BMF: variants seen among roughly 807,000 people sequenced by gnomAD.
BMF encodes the protein bcl-2-modifying factor.
BMF carries 10 observed loss-of-function variants against 22.0 expected under a neutral mutation model. The ratio of observed to expected loss-of-function variants is 0.45; its 90% CI spans 0.28 to 0.77. The LOEUF is 0.77. Among genes scored for constraint, BMF ranks in the 30% least tolerant of loss-of-function variants. BMF has a pLI of 0.13. For synonymous variants in BMF, 87 were observed against 88.1 expected, an observed-to-expected ratio of 0.99 and a Z score of 0.07; for missense variants, 206 against 226.8, an observed-to-expected ratio of 0.91 and a Z score of 0.59.
At position 40,091,581 on chromosome 15, in the gene BMF, GCC is replaced by G; in HGVS notation, c.*204_*205del. Reference sequence around the variant, plus strand: ...TCTCCTTCAACAGTGTTTGACAAAGGCCCCCATTCCAGGTCAAGGGCCTGACA... The same window carrying G: ...TCTCCTTCAACAGTGTTTGACAAAGGCCCATTCCAGGTCAAGGGCCTGACA... On this transcript the variant is annotated 3_prime_UTR_variant, in exon 5 of 5. Coordinates refer to ENST00000354670, the MANE Select transcript of BMF (RefSeq NM_001003940.2). 1 of 528,052 alleles carries G rather than the reference GCC, an allele frequency of 1.9e-6. No homozygotes were observed. Among genetic ancestry groups the G allele is most frequent in the Non-Finnish European group, 3.4e-6 (1 of 294,906 alleles). 32.7% of individuals were successfully genotyped at this position (528,052 alleles called of 1,614,324 possible). A position where few individuals can be genotyped will look rare whatever the true frequency, so the allele number is the denominator to read the frequency against.
At chr15:40,097,280 C>A (rs1368259697) in intron 4 of BMF, among the ~76,000 whole-genome samples, 3 of 152,018 alleles carry the variant, frequency 2.0e-5, no homozygotes, top group Admixed American at 1.3e-4. Flanking sequence ...CCCAACTGAG[C>A]TACCAAGCAC....
At chr15:40,093,043 T>A (rs1252766688) in intron 4 of BMF, among the ~76,000 whole-genome samples, 1 of 152,190 alleles carries the variant, frequency 6.6e-6, no homozygotes, top group African/African-American at 2.4e-5. Flanking sequence ...ACCAGGCAAC[T>A]ACTCCTGGTC....
intron 3 of BMF, among the ~76,000 whole-genome samples, chr15:40,105,227 A>G (rs549270433): frequency 4.6e-5 from 7 of 152,336 alleles, no homozygotes; most frequent in African/African-American, 1.7e-4. Flanking sequence ...AGAGGAGGGC[A>G]TATTTCTCAT....
Position 40,106,272 on chromosome 15 carries a change from T to A in BMF, c.-5-181A>T. On this transcript the variant is annotated intron_variant, in intron 2 of 4. Coordinates refer to ENST00000354670, the MANE Select transcript of BMF (RefSeq NM_001003940.2). The surrounding 1 kb of genome is among the most constrained non-coding windows in gnomAD (Gnocchi z 4.1). ...AAGGGTGACATTCACTCCCCAAATG[T>A]GGACTGCCTGAATGTTCAGGGGCTC... 1.5e-6 allele frequency: 1 copy of A among 662,526 alleles called. No homozygotes were observed. Among genetic ancestry groups the A allele is most frequent in the Non-Finnish European group, 2.4e-6 (1 of 419,538 alleles). The allele number at this position is 662,526 out of a possible 1,614,324, so 41.0% of individuals were successfully genotyped here.
Position 40,106,202 on chromosome 15 carries a change from G to T in BMF, c.-5-111C>A. 1 of 1,244,694 alleles carries T rather than the reference G, an allele frequency of 8.0e-7. No homozygotes were observed. The highest frequency in any genetic ancestry group is 1.1e-6 in the Non-Finnish European group (1 of 920,758). 77.1% of individuals were successfully genotyped at this position (1,244,694 alleles called of 1,614,324 possible). On this transcript the variant is annotated intron_variant, in intron 2 of 4. Coordinates refer to ENST00000354670, the MANE Select transcript of BMF (RefSeq NM_001003940.2). The surrounding 1 kb of genome is among the most constrained non-coding windows in gnomAD (Gnocchi z 4.1). ...CTCCCCCTTCTTATTTGAGCTGGCC[G>T]GACCACATACTGATGACATACAACC... is the stretch of plus-strand genomic sequence containing the variant.
Position 40,106,177 on chromosome 15 carries a change from C to A in BMF, c.-5-86G>T. The A allele has an allele frequency of 2.8e-6, 4 of 1,427,586 alleles. No homozygotes were observed. The South Asian group carries it at 4.2e-5, about 15-fold the overall frequency. The allele number at this position is 1,427,586 out of a possible 1,614,324, so 88.4% of individuals were successfully genotyped here. On this transcript the variant is annotated intron_variant, in intron 2 of 4. Transcript: ENST00000354670. The surrounding 1 kb of genome is among the most constrained non-coding windows in gnomAD (Gnocchi z 4.1). ...CTCCCCTTCCCTTCTTCCTACCATA[C>A]TCCCCCTTCTTATTTGAGCTGGCCG...
chr15:40,098,750 C>T (rs796786302), intron 4 of BMF, among the ~76,000 whole-genome samples: 1 of 152,116 alleles, frequency 6.6e-6, no homozygotes, highest in African/African-American at 2.4e-5. Context: ...TCCCCTCCTC[C>T]CATCACCCAC....
Position 40,099,836 on chromosome 15 carries a change from A to G in BMF, c.453+4344T>C, listed in dbSNP as rs566703911. On this transcript the variant is annotated intron_variant, in intron 4 of 4. Transcript: ENST00000354670. Reference sequence around the variant, plus strand: ...GAGATTACATGATTTGCCCACGAACACATAACTTATAAGTGGCAGAGCTGG... The same window carrying G: ...GAGATTACATGATTTGCCCACGAACGCATAACTTATAAGTGGCAGAGCTGG... Among the ~76,000 whole-genome samples, 5 of 151,764 alleles carry G rather than the reference A, an allele frequency of 3.3e-5. No homozygotes were observed. In the South Asian group the frequency reaches 1.0e-3, roughly 32 times the overall value.
intron 4 of BMF, among the ~76,000 whole-genome samples, chr15:40,096,721 C>A (rs1156544822): frequency 1.3e-5 from 2 of 152,182 alleles, no homozygotes; most frequent in Non-Finnish European, 2.9e-5. Flanking sequence ...AATAGCATTA[C>A]CTTTTTCAAA....
At chr15:40,105,059 C>T (rs1236390735) in intron 3 of BMF, among the ~76,000 whole-genome samples, 1 of 152,196 alleles carries the variant, frequency 6.6e-6, no homozygotes, top group African/African-American at 2.4e-5. Flanking sequence ...ACTGCTTTGC[C>T]AGAACTGCCC....
At chr15:40,103,651 T>G (rs1055611151) in intron 4 of BMF, among the ~76,000 whole-genome samples, 1 of 152,192 alleles carries the variant, frequency 6.6e-6, no homozygotes, top group African/African-American at 2.4e-5. Flanking sequence ...TCCCAGACCC[T>G]GGTTCCCAGA....
chr15:40,092,430 T>G (rs1217144910), intron 4 of BMF, among the ~76,000 whole-genome samples: 3 of 151,246 alleles, frequency 2.0e-5, no homozygotes, highest in Non-Finnish European at 4.4e-5. Context: ...TTTCATCCAG[T>G]GCAAACACGC....
At chr15:40,098,747 C>T (rs7181563) in intron 4 of BMF, among the ~76,000 whole-genome samples, 5,430 of 152,150 alleles carry the variant, frequency 0.036, 322 homozygotes, top group African/African-American at 0.12. Flanking sequence ...TAGTCCCCTC[C>T]TCCCATCACC....
rs1193261466 is a variant in BMF at position 40,091,071 on chromosome 15, G to C, written c.*716C>G. 2.0e-5 allele frequency: 3 copies of C among 152,682 alleles called. No individual in the cohort carries two copies. Among genetic ancestry groups the C allele is most frequent in the Non-Finnish European group, 4.4e-5 (3 of 68,102 alleles). 9.5% of individuals were successfully genotyped at this position (152,682 alleles called of 1,614,324 possible). On this transcript the variant is annotated 3_prime_UTR_variant, in exon 5 of 5. Coordinates refer to ENST00000354670, the MANE Select transcript of BMF (RefSeq NM_001003940.2). ...GGACCAATCCTGGGGCCTCCAAGTG[G>C]GACCAAGTCAGTTTTGAGGCCTAGC...
Position 40,105,969 on chromosome 15 carries a change from G to A in BMF, c.118C>T (p.Leu40=). The A allele has an allele frequency of 6.2e-7, 1 of 1,614,128 alleles. No individual in the cohort carries two copies. ...LSADLFAQSL[L]DCPLSRLQLF... ...TGAAGTCGGCTGAGGGGGCAGTCCA[G>A]TAGGCTCTGGGCAAACAGGTCAGCA... Residue 40 remains leucine (L), a synonymous_variant, in exon 3 of 5, where the codon CTG becomes TTG. Coordinates refer to ENST00000354670, the MANE Select transcript of BMF (RefSeq NM_001003940.2).
In BMF at chr15:40,097,908, C is replaced by G. The variant is rs182893359; in HGVS notation, c.454-6020G>C. On this transcript the variant is annotated intron_variant, in intron 4 of 4. Coordinates refer to ENST00000354670, the MANE Select transcript of BMF (RefSeq NM_001003940.2). ...CTTTCTGCTTTGAGACTGCCCACAG[C>G]AGCCACAGGCCATGGGGCTCAGGAT... Among the ~76,000 whole-genome samples the G allele has an allele frequency of 5.9e-5, 9 of 152,348 alleles. No homozygotes were observed. The East Asian group carries it at 1.7e-3, about 29-fold the overall frequency.
intron 4 of BMF, among the ~76,000 whole-genome samples, chr15:40,098,165 A>G (rs893226070): frequency 6.6e-6 from 1 of 152,234 alleles, no homozygotes; most frequent in Non-Finnish European, 1.5e-5. Context: ...CTAAGGAAAA[A>G]AGAGCAGTCC....
intron 4 of BMF, among the ~76,000 whole-genome samples, chr15:40,097,458 G>A (rs575918721): frequency 1.2e-4 from 18 of 152,350 alleles, no homozygotes; most frequent in African/African-American, 2.4e-4. Context: ...GAGGCAGAGC[G>A]GGTTGGGGCA....
chr15:40,089,137 A>C lies in BMF; in HGVS notation c.*2650T>G, dbSNP rs1433760637. ...CCAGGTCAGACTCTCCCTCCCTCTA[A>C]ATCTGATTCTCCACCCCTCGCTAGA... is the stretch of plus-strand genomic sequence containing the variant. On this transcript the variant is annotated 3_prime_UTR_variant, in exon 5 of 5. Transcript: ENST00000354670. The C allele has an allele frequency of 6.6e-6, 1 of 152,044 alleles. No homozygotes were observed. The highest frequency in any genetic ancestry group is 1.9e-4 in the East Asian group (1 of 5,158). The allele number at this position is 152,044 out of a possible 1,614,324, so 9.4% of individuals were successfully genotyped here.
Sources: gnomAD v4.1 joint callset for allele counts (sites outside exome capture counted in the v4.1 genomes callset) on GRCh38, gnomAD v4.1.1 for gene constraint, Gnocchi (gnomAD v3.1) non-coding constraint, MANE v1.5 for transcripts, NCBI Gene and HGNC (gene_info 2026-07-23, HGNC 2026-07-21) for gene names.